The following DTWD2 variants were observed in gnomAD, a reference collection of about 807,000 sequenced individuals.
DTWD2 encodes tRNA-uridine aminocarboxypropyltransferase 2.
A neutral mutation model predicts 31.8 loss-of-function variants in DTWD2; 39 were observed. The observed-to-expected ratio is 1.22, with a 90% CI of 0.95 to 1.60. The LOEUF (loss-of-function observed/expected upper bound fraction) is 1.60, where lower values mean the gene tolerates loss of function less well. Ranked by LOEUF, DTWD2 falls within the 40% of genes most tolerant of loss-of-function variation. DTWD2 has a pLI of 0.00. For missense variants in DTWD2, 515 were observed against 381.5 expected, an observed-to-expected ratio of 1.35 and a Z score of -2.92; for synonymous variants, 180 against 142.8, an observed-to-expected ratio of 1.26 and a Z score of -1.86.
rs533341686 is a variant in DTWD2, at chr5:118,937,367, TTA to T, written c.404+1827_404+1828del. ...TTGAAAACAGCCATGAAGGCAGCTC[TTA>T]TATGTTATCACTGCAAAAAAAAAAA... is the stretch of plus-strand genomic sequence containing the variant. On this transcript the variant is annotated intron_variant, in intron 3 of 5. Coordinates refer to ENST00000510708, the MANE Select transcript of DTWD2 (RefSeq NM_173666.4). Among the ~76,000 whole-genome samples the T allele has an allele frequency of 7.9e-4, 109 of 137,738 alleles. 1 individual carries two copies. The highest frequency in any genetic ancestry group is 3.0e-3 in the African/African-American group (109 of 36,584). The allele number at this position is 137,738 out of a possible 152,430, so 90.4% of individuals were successfully genotyped here. A position where few individuals can be genotyped will look rare whatever the true frequency, so the allele number is the denominator to read the frequency against.
chr5:118,986,517 A>C (rs76389512), intron 1 of DTWD2, among the ~76,000 whole-genome samples: 2,294 of 152,306 alleles, frequency 0.015, 64 homozygotes, highest in African/African-American at 0.05. Context: ...AATACAGTTT[A>C]AGTAAATAGC....
At chr5:118,917,302 T>C (rs575864826) in intron 4 of DTWD2, among the ~76,000 whole-genome samples, 1 of 151,704 alleles carries the variant, frequency 6.6e-6, no homozygotes, top group Non-Finnish European at 1.5e-5. Flanking sequence ...ACAAAAAGAG[T>C]AGCTCTAACA....
At chr5:118,964,597 G>A (rs1052962121) in intron 1 of DTWD2, among the ~76,000 whole-genome samples, 3 of 152,210 alleles carry the variant, frequency 2.0e-5, no homozygotes, top group Non-Finnish European at 2.9e-5. Context: ...GTGCCGCCAC[G>A]CCTGACTGGT....
chr5:118,921,773 CTG>C (rs1380996837), intron 4 of DTWD2, among the ~76,000 whole-genome samples: 6 of 152,168 alleles, frequency 3.9e-5, no homozygotes, highest in African/African-American at 7.2e-5. Flanking sequence ...CTCAATGAGA[CTG>C]TGTTAAAATG....
At chr5:118,846,491 A>G (rs909453795) in intron 5 of DTWD2, among the ~76,000 whole-genome samples, 1 of 152,168 alleles carries the variant, frequency 6.6e-6, no homozygotes, top group Non-Finnish European at 1.5e-5. Flanking sequence ...ATAGCTAAGG[A>G]ATATACTTTT....
intron 4 of DTWD2, among the ~76,000 whole-genome samples, chr5:118,917,306 T>C (rs1000617804): frequency 2.6e-5 from 4 of 152,096 alleles, no homozygotes; most frequent in African/African-American, 9.7e-5. Flanking sequence ...AAAGAGTAGC[T>C]CTAACAGGTG....
intron 5 of DTWD2, among the ~76,000 whole-genome samples, chr5:118,847,663 G>A (rs1386441691): frequency 6.6e-6 from 1 of 150,678 alleles, no homozygotes; most frequent in Admixed American, 6.6e-5. Context: ...GTTAACACGA[G>A]AAACAGAAAG....
intron 4 of DTWD2, among the ~76,000 whole-genome samples, chr5:118,853,339 G>A (rs1339571722): frequency 1.6e-4 from 25 of 152,260 alleles, no homozygotes; most frequent in Admixed American, 1.6e-3. Flanking sequence ...AATTAGTTTA[G>A]AGATTTCTCA....
chr5:118,850,964 G>C (rs932375970), intron 4 of DTWD2, among the ~76,000 whole-genome samples: 20 of 151,912 alleles, frequency 1.3e-4, no homozygotes, highest in African/African-American at 4.8e-4. Context: ...AACCACAATG[G>C]GGCTGGGTGC....
At position 118,885,990 on chromosome 5, in the gene DTWD2, C is replaced by A. The variant is rs555705878; in HGVS notation, c.598-37772G>T. 8.0e-4 allele frequency among the ~76,000 whole-genome samples: 121 copies of A among 151,974 alleles called. No individual in the cohort carries two copies. In the Middle Eastern group the frequency reaches 0.014, roughly 17 times the overall value. On this transcript the variant is annotated intron_variant, in intron 4 of 5. Transcript: ENST00000510708. ...CCTGTCTCAAAGAAACACACACACA[C>A]AAAAAAACTTTCCTAATCACCACCT... is the stretch of plus-strand genomic sequence containing the variant.
chr5:118,985,145 C>T (rs1484236353), intron 1 of DTWD2, among the ~76,000 whole-genome samples: 3 of 152,056 alleles, frequency 2.0e-5, no homozygotes, highest in African/African-American at 7.2e-5. Flanking sequence ...TCCCTTCTCC[C>T]AAACTCCCCA....
intron 3 of DTWD2, among the ~76,000 whole-genome samples, chr5:118,933,523 C>G (rs964032313): frequency 1.3e-5 from 2 of 151,986 alleles, no homozygotes; most frequent in African/African-American, 4.8e-5. Context: ...ATGTAATCAC[C>G]CACATCAATG....
intron 4 of DTWD2, among the ~76,000 whole-genome samples, chr5:118,854,293 T>C (rs1262572778): frequency 6.6e-5 from 10 of 152,132 alleles, no homozygotes; most frequent in Admixed American, 6.6e-5. Context: ...TATTAAAGGA[T>C]TGCTTTCTTT....
intron 1 of DTWD2, among the ~76,000 whole-genome samples, chr5:118,967,641 T>G (rs143110076): frequency 3.0e-4 from 46 of 152,298 alleles, no homozygotes; most frequent in African/African-American, 1.1e-3. Context: ...TATTGGATTA[T>G]AATCCAGTAA....
chr5:118,882,338 G>T (rs190034981), intron 4 of DTWD2, among the ~76,000 whole-genome samples: 1 of 152,210 alleles, frequency 6.6e-6, no homozygotes, highest in Admixed American at 6.5e-5. Flanking sequence ...CAGTCCCTAC[G>T]GCTGCTTTCA....
chr5:118,973,751 G>A lies in DTWD2; in HGVS notation c.218+14543C>T, dbSNP rs900831754. On this transcript the variant is annotated intron_variant, in intron 1 of 5. Transcript: ENST00000510708. ...TTATCGCCAGAGTCCCTGAACTCTC[G>A]CTTTCTTTTTAATCGCCTGCATCGG... The A allele has an allele frequency of 1.1e-5, 17 of 1,606,766 alleles. No homozygotes were observed. In the African/African-American group the frequency reaches 1.5e-4, roughly 14 times the overall value.
intron 1 of DTWD2, among the ~76,000 whole-genome samples, chr5:118,967,883 G>A (rs1179469780): frequency 6.6e-6 from 1 of 152,096 alleles, no homozygotes; most frequent in Non-Finnish European, 1.5e-5. Context: ...TATTTGCAAA[G>A]TCTCAAAGTA....
intron 4 of DTWD2, among the ~76,000 whole-genome samples, chr5:118,916,985 A>G (rs1753593887): frequency 6.6e-6 from 1 of 152,174 alleles, no homozygotes; most frequent in South Asian, 2.1e-4. Context: ...CCTCATGAAA[A>G]TCTATGGAAA....
chr5:118,911,224 A>G (rs1753451891), intron 4 of DTWD2, among the ~76,000 whole-genome samples: 1 of 152,246 alleles, frequency 6.6e-6, no homozygotes, highest in African/African-American at 2.4e-5. Context: ...GTGCCACTGG[A>G]GCACCCGAAA....
Sources: allele counts gnomAD v4.1 joint callset (sites outside exome capture counted in the v4.1 genomes callset), GRCh38; gene constraint gnomAD v4.1.1; transcripts MANE v1.5; gene names NCBI Gene and HGNC (gene_info 2026-07-23, HGNC 2026-07-21).